The following ASTN1 variants were observed in gnomAD, a reference collection of about 807,000 sequenced individuals.
ASTN1 encodes astrotactin-1.
ASTN1 carries 41 observed loss-of-function variants against 140.7 expected under a neutral mutation model. The ratio of observed to expected loss-of-function variants is 0.29; its 90% CI spans 0.23 to 0.38. The LOEUF (loss-of-function observed/expected upper bound fraction) is 0.38. ASTN1 is among the 10% of genes least tolerant of loss of function. The pLI is 1.00. For synonymous variants in ASTN1, 640 were observed against 652.2 expected, an observed-to-expected ratio of 0.98 and a Z score of 0.29; for missense variants, 1,479 against 1,678.8, an observed-to-expected ratio of 0.88 and a Z score of 2.08.
Position 177,023,360 on chromosome 1 carries a change from A to C in ASTN1, c.1438+44T>G, listed in dbSNP as rs763732208. On this transcript the variant is annotated intron_variant, in intron 7 of 22. Coordinates refer to ENST00000361833, the MANE Select transcript of ASTN1 (RefSeq NM_004319.3). ...TTTCAAGGGAGTGATTGCAAGAGGC[A>C]TGATCTCTCTGACAGTTACCCGCTG... is the stretch of plus-strand genomic sequence containing the variant. 21 of 1,534,750 alleles carry C rather than the reference A, an allele frequency of 1.4e-5. No homozygotes were observed. In the African/African-American group the frequency reaches 2.9e-4, roughly 21 times the overall value.
intron 20 of ASTN1, 129 bp downstream of exon 20, chr1:176,882,730 G>T: frequency 7.7e-7 from 1 of 1,301,190 alleles, no homozygotes; most frequent in Non-Finnish European, 1.1e-6. Flanking sequence ...AATGCCACCT[G>T]GGATAAGACT....
chr1:177,074,697 C>A (rs1678804353), intron 1 of ASTN1, among the ~76,000 whole-genome samples: 2 of 152,230 alleles, frequency 1.3e-5, no homozygotes, highest in South Asian at 4.1e-4. Flanking sequence ...CCTTTCCTAA[C>A]TTCTCTGCAA....
intron 11 of ASTN1, among the ~76,000 whole-genome samples, 181 bp downstream of exon 11, chr1:176,957,497 G>A (rs182006152): frequency 9.2e-5 from 14 of 152,052 alleles, no homozygotes; most frequent in East Asian, 7.8e-4. Flanking sequence ...ACAACTTCTC[G>A]ACTAACTGAT....
intron 1 of ASTN1, among the ~76,000 whole-genome samples, chr1:177,099,012 T>C (rs1399699191): frequency 6.6e-6 from 1 of 152,188 alleles, no homozygotes; most frequent in Non-Finnish European, 1.5e-5. Context: ...TGAGGCTCTG[T>C]CTCTTAAAGG....
chr1:177,015,984 G>T (rs544160628), intron 7 of ASTN1, among the ~76,000 whole-genome samples: 63 of 152,284 alleles, frequency 4.1e-4, no homozygotes, highest in Non-Finnish European at 8.7e-4. Context: ...CCATGCCCTA[G>T]TGAAATGATG....
intron 8 of ASTN1, among the ~76,000 whole-genome samples, chr1:176,977,584 T>G (rs1673419721): frequency 6.6e-6 from 1 of 152,222 alleles, no homozygotes; most frequent in Non-Finnish European, 1.5e-5. Flanking sequence ...TTTGTCAATT[T>G]TGATGATTGA....
chr1:177,118,213 T>C (rs1308627608), intron 1 of ASTN1, among the ~76,000 whole-genome samples: 1 of 151,524 alleles, frequency 6.6e-6, no homozygotes, highest in African/African-American at 2.4e-5. Flanking sequence ...ATATTAGTAA[T>C]AATATTGGTT....
At chr1:177,135,341 T>G (rs994321815) in intron 1 of ASTN1, among the ~76,000 whole-genome samples, 1 of 150,712 alleles carries the variant, frequency 6.6e-6, no homozygotes, top group South Asian at 2.1e-4. Flanking sequence ...ATCCAGCCAA[T>G]ACCCCACCAA....
chr1:176,988,413 A>T (rs1674010319), intron 8 of ASTN1, among the ~76,000 whole-genome samples: 1 of 152,002 alleles, frequency 6.6e-6, no homozygotes. Context: ...CCAAGGTCTC[A>T]CTTTGGGTTA....
chr1:176,865,776 G>A (rs566760939), intron 22 of ASTN1, among the ~76,000 whole-genome samples: 1 of 152,302 alleles, frequency 6.6e-6, no homozygotes, highest in South Asian at 2.1e-4. Context: ...CAAAAGAAAG[G>A]TTTAATTGGA....
chr1:177,158,912 A>AAG (rs1483041965), intron 1 of ASTN1, among the ~76,000 whole-genome samples: 1 of 150,518 alleles, frequency 6.6e-6, no homozygotes, highest in African/African-American at 2.4e-5. Context: ...ACAAAAAAAA[A>AAG]AAAAAATAGC....
chr1:176,979,852 T>C (rs1278363501), intron 8 of ASTN1, among the ~76,000 whole-genome samples: 1 of 152,024 alleles, frequency 6.6e-6, no homozygotes, highest in African/African-American at 2.4e-5. Flanking sequence ...GTAAGAAAGA[T>C]GAAAAGAGGA....
At chr1:177,089,562 T>C (rs143459420) in intron 1 of ASTN1, among the ~76,000 whole-genome samples, 42 of 152,202 alleles carry the variant, frequency 2.8e-4, no homozygotes, top group East Asian at 1.6e-3. Flanking sequence ...CCAGCCAGGG[T>C]ACACATGTTT....
intron 2 of ASTN1, among the ~76,000 whole-genome samples, chr1:177,055,811 C>T (rs1558062760): frequency 6.6e-6 from 1 of 152,110 alleles, no homozygotes; most frequent in Non-Finnish European, 1.5e-5. Flanking sequence ...ACAAATTGAC[C>T]ATAAAGATGC....
intron 1 of ASTN1, among the ~76,000 whole-genome samples, chr1:177,067,221 G>C (rs565590599): frequency 1.3e-5 from 2 of 152,066 alleles, no homozygotes; most frequent in Admixed American, 6.6e-5. Context: ...ACTCCTATGA[G>C]AGCCTTATAA....
intron 1 of ASTN1, among the ~76,000 whole-genome samples, chr1:177,128,968 G>A (rs984093086): frequency 6.6e-6 from 1 of 152,214 alleles, no homozygotes; most frequent in Non-Finnish European, 1.5e-5. Flanking sequence ...GAAGTAGCCT[G>A]TGGTTGTCAA....
intron 1 of ASTN1, among the ~76,000 whole-genome samples, chr1:177,088,512 A>G (rs1679584171): frequency 6.6e-6 from 1 of 152,210 alleles, no homozygotes; most frequent in African/African-American, 2.4e-5. Flanking sequence ...CTCAGTAACA[A>G]CAAAGAAGGC....
At chr1:176,916,725 C>T (rs1482482206) in intron 16 of ASTN1, among the ~76,000 whole-genome samples, 2 of 152,164 alleles carry the variant, frequency 1.3e-5, no homozygotes, top group African/African-American at 4.8e-5. Flanking sequence ...TGGTACACTT[C>T]CCTCTCATTT....
intron 1 of ASTN1, among the ~76,000 whole-genome samples, chr1:177,087,972 A>G (rs778143634): frequency 1.3e-5 from 2 of 152,172 alleles, no homozygotes; most frequent in Admixed American, 6.5e-5. Flanking sequence ...GTTGAGCTCT[A>G]CGTCCTGGGA....
Sources: allele counts gnomAD v4.1 joint callset (sites outside exome capture counted in the v4.1 genomes callset), GRCh38; gene constraint gnomAD v4.1.1; transcripts MANE v1.5; gene names NCBI Gene and HGNC (gene_info 2026-07-23, HGNC 2026-07-21).